The following MLLT3 variants were observed in gnomAD, a reference collection of about 807,000 sequenced individuals.
MLLT3 encodes MLLT3 super elongation complex subunit.
Under a neutral mutation model 53.2 loss-of-function variants are expected in MLLT3, and 4 were observed. That is an observed-to-expected ratio of 0.08 (90% confidence interval 0.04 to 0.17). The LOEUF (loss-of-function observed/expected upper bound fraction) is 0.17, where lower values mean the gene tolerates loss of function less well. MLLT3 is among the 10% of genes least tolerant of loss of function. MLLT3 has a pLI of 1.00. For missense variants in MLLT3, 569 were observed against 684.0 expected, an observed-to-expected ratio of 0.83 and a Z score of 1.87; for synonymous variants, 283 against 230.6, an observed-to-expected ratio of 1.23 and a Z score of -2.06.
chr9:20,540,512 C>A (rs1364715579), intron 2 of MLLT3, among the ~76,000 whole-genome samples: 2 of 152,236 alleles, frequency 1.3e-5, no homozygotes, highest in Non-Finnish European at 2.9e-5. Context: ...GGGGCTTGAA[C>A]CCTCTGAAGC....
chr9:20,520,291 C>A (rs1276359664), intron 2 of MLLT3, among the ~76,000 whole-genome samples: 1 of 151,866 alleles, frequency 6.6e-6, no homozygotes, highest in African/African-American at 2.4e-5. Flanking sequence ...GTACAACAAA[C>A]CTCTATGACA....
rs915265117 is a variant in MLLT3 at position 20,448,375 on chromosome 9, A to G, written c.277-109T>C. On this transcript the variant is annotated intron_variant, in intron 3 of 10. Transcript: ENST00000380338. This position sits in a 1 kb window ranked among gnomAD's most constrained non-coding sequence, Gnocchi z 4.0. ...AAATAGAAAAGAACTAAGACATCTA[A>G]CAGCTAAACTGTCAAAGTAGTACTG... 1 of 946,754 alleles carries G rather than the reference A, an allele frequency of 1.1e-6. No homozygotes were observed. The highest frequency in any genetic ancestry group is 2.5e-5 in the Admixed American group (1 of 40,388). 58.6% of individuals were successfully genotyped at this position (946,754 alleles called of 1,614,324 possible).
chr9:20,447,517 T>C (rs916083713), intron 4 of MLLT3, among the ~76,000 whole-genome samples: 1 of 152,146 alleles, frequency 6.6e-6, no homozygotes, highest in Admixed American at 6.6e-5. Context: ...ACCAAATGTT[T>C]ATGTTTCCAA....
At chr9:20,373,247 T>C (rs1422920177) in intron 5 of MLLT3, among the ~76,000 whole-genome samples, 1 of 152,210 alleles carries the variant, frequency 6.6e-6, no homozygotes, top group Non-Finnish European at 1.5e-5. Flanking sequence ...ATAGGTCACA[T>C]ACTCCTCTAC....
chr9:20,365,324 G>GTT (rs147890170), intron 6 of MLLT3, among the ~76,000 whole-genome samples: 1 of 151,118 alleles, frequency 6.6e-6, no homozygotes, highest in African/African-American at 2.4e-5. Flanking sequence ...CATTAAGATG[G>GTT]TTTTTTTTTG....
Position 20,621,010 on chromosome 9 carries a change from T to C in MLLT3, c.13-176A>G. ...CGCGCACACTCCACACCCCCAAATA[T>C]ACCCGCCCGCCCGGCCCGGCTTGGC... On this transcript the variant is annotated intron_variant, in intron 1 of 10. Coordinates refer to ENST00000380338, the MANE Select transcript of MLLT3 (RefSeq NM_004529.4). The surrounding 1 kb of genome is among the most constrained non-coding windows in gnomAD (Gnocchi z 7.0). The C allele has an allele frequency of 2.6e-6, 2 of 764,568 alleles. No individual in the cohort carries two copies. Among genetic ancestry groups the C allele is most frequent in the South Asian group, 1.5e-5 (1 of 68,016 alleles). The allele number at this position is 764,568 out of a possible 1,614,324, so 47.4% of individuals were successfully genotyped here.
chr9:20,495,232 C>G (rs1298618751), intron 2 of MLLT3, among the ~76,000 whole-genome samples: 1 of 152,152 alleles, frequency 6.6e-6, no homozygotes, highest in East Asian at 1.9e-4. Flanking sequence ...AAAACCTACT[C>G]CCTTGCTTCT....
At chr9:20,510,292 C>A (rs763712400) in intron 2 of MLLT3, among the ~76,000 whole-genome samples, 2 of 152,150 alleles carry the variant, frequency 1.3e-5, no homozygotes, top group Non-Finnish European at 2.9e-5. Context: ...CTCAACCTTA[C>A]TGGTTGGCAG....
chr9:20,620,418 TA>T lies in MLLT3; in HGVS notation c.193+235del, dbSNP rs1820965822. 6.6e-6 allele frequency among the ~76,000 whole-genome samples: 1 copy of T among 151,550 alleles called. No individual in the cohort carries two copies. The highest frequency in any genetic ancestry group is 1.5e-5 in the Non-Finnish European group (1 of 67,844). ...CTGGTGAGGGCTGGCTTGGGATGAA[TA>T]AACACTCGACACCTGACGGTCCTTT... is the stretch of plus-strand genomic sequence containing the variant. On this transcript the variant is annotated intron_variant, in intron 2 of 10. Coordinates refer to ENST00000380338, the MANE Select transcript of MLLT3 (RefSeq NM_004529.4). The surrounding 1 kb of genome is among the most constrained non-coding windows in gnomAD (Gnocchi z 6.1).
chr9:20,423,153 T>C (rs1298207906), intron 4 of MLLT3, among the ~76,000 whole-genome samples: 1 of 152,144 alleles, frequency 6.6e-6, no homozygotes, highest in Non-Finnish European at 1.5e-5. Flanking sequence ...TCCTCACCCC[T>C]TGCAAGTAGC....
chr9:20,420,256 G>A (rs1357824588), intron 4 of MLLT3, among the ~76,000 whole-genome samples: 1 of 152,130 alleles, frequency 6.6e-6, no homozygotes, highest in Non-Finnish European at 1.5e-5. Context: ...ATAAGATCAA[G>A]TATAACTTAG....
At chr9:20,369,249 G>T (rs933819982) in intron 5 of MLLT3, among the ~76,000 whole-genome samples, 1 of 152,138 alleles carries the variant, frequency 6.6e-6, no homozygotes, top group African/African-American at 2.4e-5. Flanking sequence ...TGATTTAATA[G>T]GTTGATAGTG....
intron 4 of MLLT3, among the ~76,000 whole-genome samples, chr9:20,422,236 T>C (rs1048030382): frequency 6.6e-6 from 1 of 152,198 alleles, no homozygotes; most frequent in Non-Finnish European, 1.5e-5. Context: ...AAGAAAGGTC[T>C]CCTGTTATGA....
chr9:20,564,264 A>C (rs560811389), intron 2 of MLLT3, among the ~76,000 whole-genome samples: 2 of 152,162 alleles, frequency 1.3e-5, no homozygotes, highest in Admixed American at 6.6e-5. Flanking sequence ...GAAGTCCATC[A>C]TATCAATCAG....
intron 2 of MLLT3, among the ~76,000 whole-genome samples, chr9:20,514,837 G>C (rs1274744058): frequency 6.6e-6 from 1 of 151,680 alleles, no homozygotes; most frequent in Non-Finnish European, 1.5e-5. Context: ...CATCTTCCAA[G>C]AAACCAGTAT....
intron 2 of MLLT3, among the ~76,000 whole-genome samples, chr9:20,564,751 T>C (rs1166260971): frequency 4.6e-5 from 7 of 152,192 alleles, no homozygotes; most frequent in African/African-American, 1.7e-4. Context: ...CCACTGGAAG[T>C]GGATCAAAAA....
intron 2 of MLLT3, among the ~76,000 whole-genome samples, chr9:20,512,522 T>C (rs1269856489): frequency 2.0e-5 from 3 of 152,254 alleles, no homozygotes; most frequent in Non-Finnish European, 4.4e-5. Context: ...TAATGGCTAT[T>C]GTTGCAGAAC....
chr9:20,531,851 T>C (rs1349236315), intron 2 of MLLT3, among the ~76,000 whole-genome samples: 2 of 152,168 alleles, frequency 1.3e-5, no homozygotes, highest in African/African-American at 4.8e-5. Flanking sequence ...ATTATCTGTG[T>C]AAACTACTGA....
intron 2 of MLLT3, among the ~76,000 whole-genome samples, chr9:20,565,846 C>T (rs895076172): frequency 1.6e-4 from 23 of 147,484 alleles, no homozygotes; most frequent in African/African-American, 5.5e-4. Flanking sequence ...ACATTCTAGT[C>T]CCTCTTCAGA....
Sources: allele counts gnomAD v4.1 joint callset (sites outside exome capture counted in the v4.1 genomes callset), GRCh38; gene constraint gnomAD v4.1.1; non-coding constraint Gnocchi (gnomAD v3.1); transcripts MANE v1.5; gene names NCBI Gene and HGNC (gene_info 2026-07-23, HGNC 2026-07-21).